GRID2: variants seen among roughly 807,000 people sequenced by gnomAD.
The protein encoded by GRID2 is glutamate ionotropic receptor delta type subunit 2, also known as glutamate receptor ionotropic, delta-2.
Under a neutral mutation model 114.8 loss-of-function variants are expected in GRID2, and 33 were observed. That is an observed-to-expected ratio of 0.29 (90% CI 0.22 to 0.38). GRID2 has a LOEUF of 0.38. Ranked by LOEUF, GRID2 falls within the 10% of genes least tolerant of loss-of-function variation. GRID2 has a pLI of 1.00. For synonymous variants in GRID2, 505 were observed against 449.9 expected (o/e 1.12, Z -1.55); for missense variants, 1,184 against 1,257.7 (o/e 0.94, Z 0.89).
At chr4:92,370,335 C>G (rs1413532306) in intron 1 of GRID2, among the ~76,000 whole-genome samples, 1 of 152,078 alleles carries the variant, frequency 6.6e-6, no homozygotes, top group African/African-American at 2.4e-5. Context: ...TCTCCTTAGT[C>G]CTTGAGAGAA....
intron 2 of GRID2, among the ~76,000 whole-genome samples, chr4:92,872,554 T>C (rs1447113468): frequency 6.6e-6 from 1 of 152,144 alleles, no homozygotes; most frequent in Non-Finnish European, 1.5e-5. Context: ...AGAAAATCAT[T>C]ATTTTAATTT....
intron 14 of GRID2, among the ~76,000 whole-genome samples, chr4:93,659,039 G>T (rs1172565077): frequency 6.6e-6 from 1 of 152,046 alleles, no homozygotes; most frequent in African/African-American, 2.4e-5. Flanking sequence ...CAGCCCAGTA[G>T]CAGCAGCAGC....
chr4:92,554,743 G>C (rs1472705158), intron 1 of GRID2, among the ~76,000 whole-genome samples: 1 of 152,078 alleles, frequency 6.6e-6, no homozygotes, highest in Non-Finnish European at 1.5e-5. Context: ...TCAGATAAAT[G>C]ATCTGTATAA....
At chr4:92,458,027 G>T (rs1463146078) in intron 1 of GRID2, among the ~76,000 whole-genome samples, 5 of 152,168 alleles carry the variant, frequency 3.3e-5, no homozygotes, top group Admixed American at 1.3e-4. Context: ...AATCAGTCAT[G>T]AATTGTGCAT....
chr4:93,606,881 A>C (rs192056665), intron 13 of GRID2, among the ~76,000 whole-genome samples: 1 of 152,278 alleles, frequency 6.6e-6, no homozygotes, highest in East Asian at 1.9e-4. Context: ...GTATTTAAAA[A>C]TTCTAAACAT....
At chr4:93,691,121 A>G (rs1276151967) in intron 14 of GRID2, among the ~76,000 whole-genome samples, 4 of 151,740 alleles carry the variant, frequency 2.6e-5, no homozygotes, top group Non-Finnish European at 5.9e-5. Context: ...TTGATTTAAA[A>G]TGTGAAATAC....
At position 93,034,423 on chromosome 4, in the gene GRID2, T is replaced by G. The variant is rs539450186; in HGVS notation, c.245-50572T>G. Among the ~76,000 whole-genome samples, 8 of 152,224 alleles carry G rather than the reference T, an allele frequency of 5.3e-5. No individual in the cohort carries two copies. In the South Asian group the frequency reaches 1.4e-3, roughly 28 times the overall value. Reference sequence around the variant, plus strand: ...CTGAGGGATTAAAAACTTGGAATAGTAGGAAACAAGCCGACAATAGTAAGA... The same window carrying G: ...CTGAGGGATTAAAAACTTGGAATAGGAGGAAACAAGCCGACAATAGTAAGA... On this transcript the variant is annotated intron_variant, in intron 2 of 15. Coordinates refer to ENST00000282020, the MANE Select transcript of GRID2 (RefSeq NM_001510.4).
intron 2 of GRID2, among the ~76,000 whole-genome samples, chr4:92,945,701 T>C (rs1751572978): frequency 6.6e-6 from 1 of 152,276 alleles, no homozygotes; most frequent in African/African-American, 2.4e-5. Flanking sequence ...AACTTTTGTT[T>C]TGTTTTGAAA....
chr4:93,430,617 A>G (rs1166873796), intron 10 of GRID2, among the ~76,000 whole-genome samples: 1 of 152,258 alleles, frequency 6.6e-6, no homozygotes, highest in Non-Finnish European at 1.5e-5. Flanking sequence ...TCTATGTGCT[A>G]TGCACTGTGC....
chr4:92,923,915 T>C (rs192161752), intron 2 of GRID2, among the ~76,000 whole-genome samples: 2 of 152,300 alleles, frequency 1.3e-5, no homozygotes, highest in Admixed American at 1.3e-4. Context: ...ACCCAAAGGA[T>C]TATAAATCAT....
chr4:93,012,094 A>AC (rs1722235335), intron 2 of GRID2, among the ~76,000 whole-genome samples: 2 of 151,614 alleles, frequency 1.3e-5, no homozygotes, highest in East Asian at 1.9e-4. Context: ...AAAAAAAAAA[A>AC]AAAACATGTA....
In GRID2 at chr4:93,515,359, G is replaced by A. The variant is rs200569056; in HGVS notation, c.2141G>A (p.Arg714Gln). The change falls in exon 13 of 16, where the codon CGA (arginine) becomes CAA (glutamine). Residue 714 changes from arginine (R) to glutamine (Q), a missense_variant. Around this residue, in one of 3 missense-constraint regions of GRID2, gnomAD observed 717 missense variants for 796.9 expected, o/e 0.90. Coordinates refer to ENST00000282020, the MANE Select transcript of GRID2 (RefSeq NM_001510.4). ...TCCCAAATGTGGCGGATGATCAACCGAAGCAATGGATCGGAGAACAATGTT... is the reference window on the plus strand; with the variant it reads ...TCCCAAATGTGGCGGATGATCAACCAAAGCAATGGATCGGAGAACAATGTT... ...MYSQMWRMIN[R>Q]SNGSENNVLE... is the part of the protein sequence containing the mutation. The A allele has an allele frequency of 2.1e-5, 34 of 1,613,078 alleles. No individual in the cohort carries two copies. The highest frequency in any genetic ancestry group is 1.2e-4 in the Admixed American group (7 of 59,952).
intron 7 of GRID2, among the ~76,000 whole-genome samples, chr4:93,228,718 A>G (rs1327278186): frequency 1.3e-5 from 2 of 152,146 alleles, no homozygotes; most frequent in Non-Finnish European, 1.5e-5. Flanking sequence ...GTTGAACATG[A>G]TTCTAATCCT....
At chr4:93,802,885 G>A (rs1002464199) in intron 1 of GRID2, among the ~76,000 whole-genome samples, 1 of 152,194 alleles carries the variant, frequency 6.6e-6, no homozygotes, top group African/African-American at 2.4e-5. Context: ...CCCAAATTCT[G>A]ACCCTGTGTC....
At position 93,334,940 on chromosome 4, in the gene GRID2, A is replaced by G. The variant is rs1318813207; in HGVS notation, c.1246-60667A>G. On this transcript the variant is annotated intron_variant, in intron 8 of 15. Coordinates refer to ENST00000282020, the MANE Select transcript of GRID2 (RefSeq NM_001510.4). ...GAGCAAAACTCCGTCTCAAAAAGAA[A>G]AAAAAAAAGAATTTCTGGTCTTTAG... Among the ~76,000 whole-genome samples the G allele has an allele frequency of 6.6e-5, 10 of 152,292 alleles. No homozygotes were observed. The East Asian group carries it at 1.9e-3, about 29-fold the overall frequency.
chr4:93,325,921 A>G (rs1323941223), intron 8 of GRID2, among the ~76,000 whole-genome samples: 1 of 152,072 alleles, frequency 6.6e-6, no homozygotes, highest in Non-Finnish European at 1.5e-5. Flanking sequence ...CTGAAGTTGA[A>G]GTGAGTTCTC....
chr4:92,507,575 TA>T (rs1231144085), intron 1 of GRID2, among the ~76,000 whole-genome samples: 1 of 151,950 alleles, frequency 6.6e-6, no homozygotes, highest in African/African-American at 2.4e-5. Context: ...AATAAAAATT[TA>T]AAAAATAAAA....
intron 14 of GRID2, among the ~76,000 whole-genome samples, chr4:93,761,581 T>C (rs1020476668): frequency 2.6e-5 from 4 of 152,150 alleles, no homozygotes; most frequent in African/African-American, 9.7e-5. Context: ...TGACCTCTAG[T>C]CTAAAAGATG....
chr4:92,514,095 G>A (rs1487875987), intron 1 of GRID2, among the ~76,000 whole-genome samples: 1 of 151,804 alleles, frequency 6.6e-6, no homozygotes, highest in African/African-American at 2.4e-5. Flanking sequence ...AACATGAAAA[G>A]GGTTTGTTGT....
Sources: allele counts gnomAD v4.1 joint callset (sites outside exome capture counted in the v4.1 genomes callset), GRCh38; gene constraint gnomAD v4.1.1; regional missense constraint gnomAD v4.1.1; transcripts MANE v1.5; gene names NCBI Gene and HGNC (gene_info 2026-07-23, HGNC 2026-07-21).